Variants in TENM2 observed in about 807,000 individuals in gnomAD.
The protein encoded by TENM2 is teneurin-2.
TENM2 carries 52 observed loss-of-function variants against 245.2 expected under a neutral mutation model. That is an observed-to-expected ratio of 0.21 (90% confidence interval 0.17 to 0.27). The LOEUF (loss-of-function observed/expected upper bound fraction) is 0.27, where lower values mean the gene tolerates loss of function less well. TENM2 is among the 10% of genes least tolerant of loss of function. The pLI, the probability that TENM2 is intolerant of heterozygous loss-of-function variation, is 1.00. For synonymous variants in TENM2, 1,363 were observed against 1,438.9 expected, an observed-to-expected ratio of 0.95 and a Z score of 1.19; for missense variants, 3,046 against 3,666.8, an observed-to-expected ratio of 0.83 and a Z score of 4.37.
At chr5:167,128,653 C>G in the TENM2 span, among the ~76,000 whole-genome samples, 1 of 152,084 alleles carries the variant, frequency 6.6e-6, no homozygotes. Flanking sequence ...AGTCCTTCAG[C>G]CAGAATCAGC....
intron 3 of TENM2, among the ~76,000 whole-genome samples, chr5:167,940,462 G>A (rs574369299): frequency 6.6e-6 from 1 of 152,258 alleles, no homozygotes; most frequent in Admixed American, 6.5e-5. Context: ...AGCAATGGAA[G>A]GATGATAAGA....
chr5:167,612,485 T>C (rs575820535), intron 2 of TENM2, among the ~76,000 whole-genome samples: 2 of 152,280 alleles, frequency 1.3e-5, no homozygotes, highest in African/African-American at 4.8e-5. Context: ...TTTCCATGGC[T>C]ACATACCCAA....
At chr5:167,425,222 C>A (rs541868352) in intron 2 of TENM2, among the ~76,000 whole-genome samples, 1 of 152,254 alleles carries the variant, frequency 6.6e-6, no homozygotes, top group Non-Finnish European at 1.5e-5. Flanking sequence ...TATAAAACTG[C>A]AATTCTCGTG....
intron 5 of TENM2, among the ~76,000 whole-genome samples, chr5:168,030,168 T>TTTTC (rs1786997105): frequency 3.5e-5 from 3 of 84,626 alleles, no homozygotes; most frequent in Non-Finnish European, 5.1e-5. Flanking sequence ...CTTTTTTTTT[T>TTTTC]TTTTTTTTTT....
At chr5:168,145,011 A>G (rs1041873505) in intron 12 of TENM2, among the ~76,000 whole-genome samples, 2 of 151,710 alleles carry the variant, frequency 1.3e-5, no homozygotes, top group African/African-American at 4.8e-5. Flanking sequence ...TCCTTTGCCC[A>G]CTTTTTGATG....
chr5:167,238,019 A>AG, the TENM2 span, among the ~76,000 whole-genome samples: 13 of 150,984 alleles, frequency 8.6e-5, no homozygotes, highest in African/African-American at 2.9e-4. Flanking sequence ...CAAAAAAAAA[A>AG]AAAAAAAAAA....
At chr5:168,214,884 G>T in intron 20 of TENM2, 156 bp from the exon 23 acceptor site, 1 of 712,206 alleles carries the variant, frequency 1.4e-6, no homozygotes, top group Middle Eastern at 2.3e-4. Context: ...TGATGTGTTA[G>T]AACACTGAGT....
At chr5:167,115,107 TAAG>T in the TENM2 span, among the ~76,000 whole-genome samples, 1 of 152,142 alleles carries the variant, frequency 6.6e-6, no homozygotes, top group Non-Finnish European at 1.5e-5. Flanking sequence ...CGTTTAAAAA[TAAG>T]AAACTTTTGT....
chr5:168,139,549 G>T, intron 12 of TENM2: 1 of 456,486 alleles, frequency 2.2e-6, no homozygotes, highest in Non-Finnish European at 4.4e-6. Flanking sequence ...GGTAGGAGGT[G>T]GTTGGGCAGG....
chr5:167,369,166 A>G (rs73369705), intron 1 of TENM2, among the ~76,000 whole-genome samples: 3,636 of 152,260 alleles, frequency 0.024, 105 homozygotes, highest in African/African-American at 0.076. Flanking sequence ...CAGGGAACTC[A>G]CCACCATGTA....
At chr5:167,342,559 C>T (rs1581788680) in intron 1 of TENM2, among the ~76,000 whole-genome samples, 5 of 115,454 alleles carry the variant, frequency 4.3e-5, no homozygotes, top group East Asian at 2.8e-4. Context: ...CTCGCTCTGT[C>T]GCCCAGGCCG....
At chr5:167,475,050 G>A (rs986252224) in intron 2 of TENM2, among the ~76,000 whole-genome samples, 37 of 152,046 alleles carry the variant, frequency 2.4e-4, no homozygotes, top group African/African-American at 4.8e-4. Flanking sequence ...AAAAATTGTC[G>A]GAGCTAACCA....
the TENM2 span, among the ~76,000 whole-genome samples, chr5:167,235,140 A>T: frequency 6.6e-6 from 1 of 152,172 alleles, no homozygotes; most frequent in African/African-American, 2.4e-5. Flanking sequence ...TGACTTGCAG[A>T]TGGCTTTTTC....
At chr5:168,259,913 A>C (rs1423895681) in intron 27 of TENM2, among the ~76,000 whole-genome samples, 1 of 152,230 alleles carries the variant, frequency 6.6e-6, no homozygotes, top group Non-Finnish European at 1.5e-5. Context: ...TTTGATCCTC[A>C]TAACAACCCA....
intron 4 of TENM2, among the ~76,000 whole-genome samples, chr5:167,992,136 C>T (rs1013310945): frequency 1.3e-5 from 2 of 151,742 alleles, no homozygotes; most frequent in Admixed American, 6.6e-5. Flanking sequence ...GTGGAGGGGG[C>T]GAGGAATAAA....
At chr5:167,014,406 T>C in the TENM2 span, among the ~76,000 whole-genome samples, 1 of 151,940 alleles carries the variant, frequency 6.6e-6, no homozygotes. Flanking sequence ...CTTGCTTTTC[T>C]TCTTTTCCTA....
the TENM2 span, among the ~76,000 whole-genome samples, chr5:167,224,553 A>T: frequency 2.6e-5 from 4 of 151,972 alleles, no homozygotes; most frequent in East Asian, 1.9e-4. Context: ...TTATGAGTCT[A>T]TGTTAATACC....
chr5:167,673,836 C>T (rs114911049), intron 2 of TENM2, among the ~76,000 whole-genome samples: 2,006 of 152,058 alleles, frequency 0.013, 38 homozygotes, highest in African/African-American at 0.045. Context: ...CCTGCAGGCA[C>T]TTGACAACTA....
At chr5:168,031,381 A>G (rs879941376) in intron 5 of TENM2, among the ~76,000 whole-genome samples, 1 of 152,202 alleles carries the variant, frequency 6.6e-6, no homozygotes, top group Non-Finnish European at 1.5e-5. Context: ...ATTTGCTTGT[A>G]ACCTAGCTAT....
Sources: allele counts gnomAD v4.1 joint callset (sites outside exome capture counted in the v4.1 genomes callset), GRCh38; gene constraint gnomAD v4.1.1; transcripts MANE v1.5; gene names NCBI Gene and HGNC (gene_info 2026-07-23, HGNC 2026-07-21).